Variants in PRKACB observed in about 807,000 individuals in gnomAD.
PRKACB encodes the protein protein kinase cAMP-activated catalytic subunit beta.
PRKACB carries 16 observed loss-of-function variants against 51.4 expected under a neutral mutation model. That is an observed-to-expected ratio of 0.31 (90% confidence interval 0.21 to 0.47). PRKACB has a LOEUF of 0.47. PRKACB is among the 20% of genes least tolerant of loss of function. The pLI is 1.00. For missense variants in PRKACB, 309 were observed against 464.5 expected, an observed-to-expected ratio of 0.67 and a Z score of 3.08; for synonymous variants, 147 against 154.4, an observed-to-expected ratio of 0.95 and a Z score of 0.35.
At chr1:84,206,776 T>C (rs951624689) in intron 8 of PRKACB, among the ~76,000 whole-genome samples, 1 of 152,146 alleles carries the variant, frequency 6.6e-6, no homozygotes, top group Non-Finnish European at 1.5e-5. Flanking sequence ...ACTCTAATCC[T>C]TTAGGGAAAG....
intron 1 of PRKACB, chr1:84,085,949 T>A (rs1227709423): frequency 4.3e-6 from 3 of 693,804 alleles, no homozygotes; most frequent in Non-Finnish European, 8.0e-6. Flanking sequence ...GGACCTGACT[T>A]TCAAGACCAA....
chr1:84,229,879 G>T (rs1313845179), intron 9 of PRKACB, among the ~76,000 whole-genome samples: 2 of 151,992 alleles, frequency 1.3e-5, no homozygotes, highest in Admixed American at 1.3e-4. Flanking sequence ...CCATTTTGTA[G>T]GTTGCCTGTT....
At chr1:84,235,140 T>C (rs1676528742) in intron 9 of PRKACB, 40 bp from the exon 10 acceptor site, 1 of 1,571,608 alleles carries the variant, frequency 6.4e-7, no homozygotes, top group Non-Finnish European at 8.6e-7. Flanking sequence ...CAGGAATTTT[T>C]TTTTCCTTTT....
chr1:84,108,761 A>C (rs2100835615), intron 1 of PRKACB, among the ~76,000 whole-genome samples: 1 of 152,018 alleles, frequency 6.6e-6, no homozygotes. Flanking sequence ...CATTATTCTA[A>C]CCTGCTATCC....
intron 1 of PRKACB, among the ~76,000 whole-genome samples, chr1:84,110,684 A>G (rs1650159171): frequency 6.6e-6 from 1 of 151,838 alleles, no homozygotes; most frequent in African/African-American, 2.4e-5. Context: ...TCCCCAAGTG[A>G]CTTATTCACT....
chr1:84,082,505 A>T (rs4907193), intron 1 of PRKACB, among the ~76,000 whole-genome samples: 1 of 151,856 alleles, frequency 6.6e-6, no homozygotes, highest in Non-Finnish European at 1.5e-5. Flanking sequence ...ACTTATATTT[A>T]TTTTTTCCCA....
chr1:84,223,648 C>T (rs747767832), intron 9 of PRKACB, among the ~76,000 whole-genome samples: 8 of 152,104 alleles, frequency 5.3e-5, no homozygotes, highest in Non-Finnish European at 1.0e-4. Context: ...GGATTACAAG[C>T]GTGAGCCACC....
At position 84,145,223 on chromosome 1, in the gene PRKACB, G is replaced by A. The variant is rs1653891233; in HGVS notation, c.187+675G>A. ...GCAGCTTTGCTAAAATGGTGCTGGG[G>A]AACCATTTTTGGTGCCATACACTCT... On this transcript the variant is annotated intron_variant, in intron 1 of 9. Transcript: ENST00000370685. Among the ~76,000 whole-genome samples, 2 of 152,000 alleles carry A rather than the reference G, an allele frequency of 1.3e-5. 1 individual carries two copies. Among genetic ancestry groups the A allele is most frequent in the South Asian group, 4.2e-4 (2 of 4,818 alleles).
At chr1:84,078,371 G>C (rs761271887) in exon 1 of PRKACB, 1 of 1,611,878 alleles carries the variant, frequency 6.2e-7, no homozygotes, top group Non-Finnish European at 8.5e-7. Flanking sequence ...GGTGGAGAGC[G>C]GTGAGTTGAA....
chr1:84,205,578 T>C (rs1671214312), intron 8 of PRKACB: 1 of 152,116 alleles, frequency 6.6e-6, no homozygotes, highest in African/African-American at 2.4e-5. Flanking sequence ...CATCTTATAT[T>C]GATTATATCC....
chr1:84,155,734 C>A (rs948532866), intron 1 of PRKACB, among the ~76,000 whole-genome samples: 5 of 152,138 alleles, frequency 3.3e-5, no homozygotes, highest in African/African-American at 1.2e-4. Flanking sequence ...GTCCTGAAAC[C>A]ATGGTTGCTT....
intron 8 of PRKACB, chr1:84,205,294 C>G: frequency 1.0e-6 from 1 of 972,202 alleles, no homozygotes; most frequent in Non-Finnish European, 1.2e-6. Context: ...TTTCAAAACT[C>G]AAATTCAAAC....
intron 1 of PRKACB, among the ~76,000 whole-genome samples, chr1:84,170,482 G>T (rs866919223): frequency 6.6e-6 from 1 of 151,568 alleles, no homozygotes; most frequent in South Asian, 2.1e-4. Flanking sequence ...TGTATTAATT[G>T]TGTGGTCTAG....
chr1:84,145,293 A>T (rs1293210384), intron 1 of PRKACB, among the ~76,000 whole-genome samples: 1 of 152,128 alleles, frequency 6.6e-6, no homozygotes, highest in African/African-American at 2.4e-5. Flanking sequence ...CCGCCATTCT[A>T]CATCTCACCT....
At chr1:84,109,967 CT>C (rs1650082818) in intron 1 of PRKACB, among the ~76,000 whole-genome samples, 2 of 151,692 alleles carry the variant, frequency 1.3e-5, no homozygotes, top group African/African-American at 4.8e-5. Context: ...TGTTTTATGG[CT>C]TTTGCCTTTG....
intron 8 of PRKACB, among the ~76,000 whole-genome samples, chr1:84,204,191 C>T (rs1670939138): frequency 6.6e-6 from 1 of 151,590 alleles, no homozygotes; most frequent in Non-Finnish European, 1.5e-5. Flanking sequence ...GAGATTTTCC[C>T]TTGTATTTTG....
intron 1 of PRKACB, chr1:84,086,298 C>G: frequency 9.6e-7 from 1 of 1,036,446 alleles, no homozygotes; most frequent in Non-Finnish European, 1.5e-6. Context: ...GCCCTTCCTG[C>G]TGCCTCCCTC....
chr1:84,217,519 G>T (rs1232481617), intron 9 of PRKACB, among the ~76,000 whole-genome samples: 1 of 151,644 alleles, frequency 6.6e-6, no homozygotes, highest in Non-Finnish European at 1.5e-5. Flanking sequence ...AACAGGCCAG[G>T]TGCAGTGGCT....
rs191767439 is a variant in PRKACB, at chr1:84,168,681, A to G, written c.188-10496A>G. Among the ~76,000 whole-genome samples, 38 of 151,760 alleles carry G rather than the reference A, an allele frequency of 2.5e-4. No homozygotes were observed. In the East Asian group the frequency reaches 7.4e-3, roughly 30 times the overall value. ...ATGATCAGACTCCAAAGTCTAATTAACAGTTTTAACTTGAGTAGCTTTTCT... is the reference window on the plus strand; with the variant it reads ...ATGATCAGACTCCAAAGTCTAATTAGCAGTTTTAACTTGAGTAGCTTTTCT... On this transcript the variant is annotated intron_variant, in intron 1 of 9. Coordinates refer to ENST00000370685, the MANE Select transcript of PRKACB (RefSeq NM_182948.4).
Sources: gnomAD v4.1 joint callset for allele counts (sites outside exome capture counted in the v4.1 genomes callset) on GRCh38, gnomAD v4.1.1 for gene constraint, MANE v1.5 for transcripts, NCBI Gene and HGNC (gene_info 2026-07-23, HGNC 2026-07-21) for gene names.